CALD1: variants seen among roughly 807,000 people sequenced by gnomAD.
CALD1 encodes the protein caldesmon.
CALD1 carries 33 observed loss-of-function variants against 99.9 expected under a neutral mutation model. That is an observed-to-expected ratio of 0.33 (90% confidence interval 0.25 to 0.44). The LOEUF is 0.44. Among genes scored for constraint, CALD1 ranks in the 20% least tolerant of loss-of-function variants. CALD1 has a pLI of 1.00. For missense variants in CALD1, 861 were observed against 962.1 expected (o/e 0.89, Z 1.39); for synonymous variants, 310 against 325.0 (o/e 0.95, Z 0.50).
At chr7:134,741,513 G>A (rs1399412627), upstream of CALD1, among the ~76,000 whole-genome samples, 2 of 152,060 alleles carry the variant, frequency 1.3e-5, no homozygotes, top group African/African-American at 2.4e-5. Flanking sequence ...CTCAATTCAT[G>A]TTCAATAGTT....
chr7:134,883,493 T>C (rs1664165515), intron 3 of CALD1, among the ~76,000 whole-genome samples: 1 of 152,308 alleles, frequency 6.6e-6, no homozygotes, highest in South Asian at 2.1e-4. Context: ...CTTAAAAACC[T>C]GCCAGGCTGG....
intron 3 of CALD1, among the ~76,000 whole-genome samples, chr7:134,912,023 T>G (rs1213833948): frequency 6.6e-6 from 1 of 151,894 alleles, no homozygotes; most frequent in Non-Finnish European, 1.5e-5. Flanking sequence ...AAGCGGGGTC[T>G]CGGTAAAAAT....
At chr7:134,725,790 A>G in the CALD1 span, among the ~76,000 whole-genome samples, 1 of 152,204 alleles carries the variant, frequency 6.6e-6, no homozygotes, top group South Asian at 2.1e-4. Context: ...TGATGCCACC[A>G]CAAGTGTCAT....
intron 2 of CALD1, among the ~76,000 whole-genome samples, chr7:134,854,179 G>C (rs1461409765): frequency 1.3e-5 from 2 of 152,120 alleles, no homozygotes; most frequent in Non-Finnish European, 2.9e-5. Flanking sequence ...ACATACGTGT[G>C]CATGTGTCTT....
intron 7 of CALD1, among the ~76,000 whole-genome samples, chr7:134,946,209 A>AC (rs1563121839): frequency 1.7e-4 from 26 of 152,158 alleles, no homozygotes; most frequent in African/African-American, 4.8e-4. Context: ...TGATATCAGT[A>AC]TGATATCATA....
intron 2 of CALD1, among the ~76,000 whole-genome samples, chr7:134,864,148 A>C (rs1178762875): frequency 1.3e-5 from 2 of 152,150 alleles, no homozygotes; most frequent in Non-Finnish European, 2.9e-5. Flanking sequence ...CAGGAGTTAG[A>C]GACCAGCCTG....
chr7:134,794,400 G>A (rs577975341), intron 1 of CALD1, among the ~76,000 whole-genome samples: 16 of 152,304 alleles, frequency 1.1e-4, no homozygotes, highest in African/African-American at 3.1e-4. Context: ...ACTGTGCATT[G>A]CCTTTGTTAT....
At chr7:134,888,875 G>A (rs976953685) in intron 3 of CALD1, among the ~76,000 whole-genome samples, 1 of 152,224 alleles carries the variant, frequency 6.6e-6, no homozygotes, top group Non-Finnish European at 1.5e-5. Flanking sequence ...CCTGTGTACA[G>A]CTGGCAATTA....
chr7:134,901,655 C>G (rs1254076449), intron 3 of CALD1, among the ~76,000 whole-genome samples: 17 of 152,112 alleles, frequency 1.1e-4, no homozygotes, highest in Admixed American at 1.1e-3. Context: ...AGTCTAGAAT[C>G]AGGGTGTCAG....
chr7:134,831,415 G>A, intron 1 of CALD1, among the ~76,000 whole-genome samples: 1 of 152,144 alleles, frequency 6.6e-6, no homozygotes, highest in East Asian at 1.9e-4. Flanking sequence ...CGCCTCCTAG[G>A]TTCAAGAAAT....
At chr7:134,876,369 A>C (rs2198342) in intron 3 of CALD1, among the ~76,000 whole-genome samples, 3 of 152,106 alleles carry the variant, frequency 2.0e-5, no homozygotes, top group Admixed American at 1.3e-4. Context: ...TGATCTTGCT[A>C]TATGTAAAAA....
chr7:134,716,929 C>T, the CALD1 span, among the ~76,000 whole-genome samples: 1 of 152,176 alleles, frequency 6.6e-6, no homozygotes, highest in African/African-American at 2.4e-5. Context: ...GGTAAACAAG[C>T]TCCATTACCA....
Position 134,933,160 on chromosome 7 carries a change from T to C in CALD1, c.391T>C (p.Ser131Pro), listed in dbSNP as rs747292183. The C allele has an allele frequency of 2.5e-6, 4 of 1,611,592 alleles. 1 individual carries two copies. In the South Asian group the frequency reaches 4.4e-5, roughly 18 times the overall value. ...FDPTITDASL[S>P]LPSRRMQNDT... ...CCCAACAATAACAGATGCAAGTCTGTCGCTCCCAAGCAGAAGAATGCAAAA... is the reference window on the plus strand; with the variant it reads ...CCCAACAATAACAGATGCAAGTCTGCCGCTCCCAAGCAGAAGAATGCAAAA... Residue 131 changes from serine (S) to proline (P), a missense_variant, in exon 5 of 15, where the codon TCG (serine) becomes CCG (proline). Coordinates refer to ENST00000361675, the MANE Select transcript of CALD1 (RefSeq NM_033138.4).
At chr7:134,769,830 G>A (rs989746797) in intron 1 of CALD1, among the ~76,000 whole-genome samples, 7 of 152,240 alleles carry the variant, frequency 4.6e-5, no homozygotes, top group South Asian at 2.1e-4. Flanking sequence ...TAGAGACAGC[G>A]TTTCACCATT....
chr7:134,759,535 C>T (rs1049198912), intron 1 of CALD1, among the ~76,000 whole-genome samples: 3 of 152,122 alleles, frequency 2.0e-5, no homozygotes, highest in African/African-American at 7.2e-5. Context: ...ACATTCAGGA[C>T]AATGAAAAAC....
At chr7:134,855,719 C>A (rs575663772) in intron 2 of CALD1, among the ~76,000 whole-genome samples, 119 of 152,224 alleles carry the variant, frequency 7.8e-4, no homozygotes, top group African/African-American at 2.8e-3. Context: ...TTACTTAATA[C>A]AAAATTGCTT....
rs116069312 is a variant in CALD1, at chr7:134,798,337, C to A, written c.-130+18588C>A. Among the ~76,000 whole-genome samples the A allele has an allele frequency of 6.8e-4, 104 of 152,330 alleles. 1 individual carries two copies. Among genetic ancestry groups the A allele is most frequent in the African/African-American group, 2.4e-3 (100 of 41,574 alleles). ...TTGAGACCGTTAGCAGATTGCTCAG[C>A]CTGACCCACCCTGGTGCCAGATGTT... On this transcript the variant is annotated intron_variant, in intron 1 of 14. Coordinates refer to ENST00000361675, the MANE Select transcript of CALD1 (RefSeq NM_033138.4).
intron 1 of CALD1, among the ~76,000 whole-genome samples, chr7:134,799,418 G>A (rs923623913): frequency 2.6e-5 from 4 of 152,204 alleles, no homozygotes; most frequent in African/African-American, 9.6e-5. Flanking sequence ...GAAAGTAAGA[G>A]CTCACGGCTT....
At position 134,767,807 on chromosome 7, in the gene CALD1, G is replaced by A. The variant is rs77994671; in HGVS notation, c.-130+23444G>A. 7.8e-3 allele frequency among the ~76,000 whole-genome samples: 1,192 copies of A among 152,332 alleles called. 6 individuals are homozygous for A. Among genetic ancestry groups the A allele is most frequent in the Middle Eastern group, 0.034 (10 of 294 alleles). On this transcript the variant is annotated intron_variant, in intron 1 of 13. Coordinates refer to the CALD1 transcript ENST00000417172. ...CAGCAGTTCTCTAGAGGCACACACC[G>A]TGTTTCTGATTATATGAAAGTGACA...
Sources: allele counts gnomAD v4.1 joint callset (sites outside exome capture counted in the v4.1 genomes callset), GRCh38; gene constraint gnomAD v4.1.1; transcripts MANE v1.5; gene names NCBI Gene and HGNC (gene_info 2026-07-23, HGNC 2026-07-21).